Variants in UNC79 observed in about 807,000 individuals in gnomAD.
The protein encoded by UNC79 is protein unc-79 homolog.
Under a neutral mutation model 283.1 loss-of-function variants are expected in UNC79, and 37 were observed. The observed-to-expected ratio is 0.13, with a 90% CI of 0.10 to 0.17. UNC79 has a LOEUF of 0.17. Ranked by LOEUF, UNC79 falls within the 10% of genes least tolerant of loss-of-function variation. The pLI is 1.00. For missense variants in UNC79, 2,272 were observed against 3,211.1 expected (o/e 0.71, Z 7.07); for synonymous variants, 1,107 against 1,200.2 (o/e 0.92, Z 1.61).
intron 1 of UNC79, chr14:93,334,959 C>T (rs1595357235): frequency 1.3e-5 from 2 of 152,352 alleles, no homozygotes; most frequent in East Asian, 1.9e-4. Context: ...TCAGTCCCCA[C>T]TGTTTACACT....
intron 47 of UNC79, among the ~76,000 whole-genome samples, chr14:93,698,517 G>T (rs2075317354): frequency 1.1e-5 from 1 of 94,438 alleles, no homozygotes; most frequent in South Asian, 3.9e-4. Context: ...ATCAGGTCTT[G>T]CTCTGTCACC....
intron 31 of UNC79, among the ~76,000 whole-genome samples, chr14:93,632,313 T>A (rs951895762): frequency 6.6e-6 from 1 of 152,350 alleles, no homozygotes; most frequent in African/African-American, 2.4e-5. Flanking sequence ...ATTACAAAAA[T>A]CTGTTAGATC....
At chr14:93,577,387 A>G (rs1352211887) in intron 17 of UNC79, among the ~76,000 whole-genome samples, 1 of 152,236 alleles carries the variant, frequency 6.6e-6, no homozygotes, top group Non-Finnish European at 1.5e-5. Context: ...AAGGTTTGTC[A>G]TATATTGTTG....
intron 1 of UNC79, among the ~76,000 whole-genome samples, chr14:93,396,605 T>C (rs2055002684): frequency 6.6e-6 from 1 of 152,190 alleles, no homozygotes; most frequent in Admixed American, 6.6e-5. Flanking sequence ...CTGTTTGTTT[T>C]AGTGTGTTTG....
intron 1 of UNC79, among the ~76,000 whole-genome samples, chr14:93,361,148 G>A (rs1595387284): frequency 6.8e-6 from 1 of 147,884 alleles, no homozygotes; most frequent in African/African-American, 2.5e-5. Flanking sequence ...TGAGGTGGAG[G>A]TTGCAGTGAG....
chr14:93,514,417 C>T (rs1354156814), intron 7 of UNC79, among the ~76,000 whole-genome samples: 3 of 152,226 alleles, frequency 2.0e-5, no homozygotes, highest in Non-Finnish European at 4.4e-5. Context: ...GATGTGTTCA[C>T]TAAAGCTCTT....
chr14:93,680,188 G>A (rs1334139798), intron 41 of UNC79, among the ~76,000 whole-genome samples: 2 of 152,130 alleles, frequency 1.3e-5, no homozygotes, highest in South Asian at 4.1e-4. Flanking sequence ...AGATCTTGAC[G>A]CTGTGTGATT....
intron 30 of UNC79, among the ~76,000 whole-genome samples, chr14:93,624,952 C>T (rs1048788543): frequency 1.3e-5 from 2 of 152,196 alleles, no homozygotes; most frequent in East Asian, 1.9e-4. Context: ...ACTCTGTTTA[C>T]GTCAGTCCCT....
In UNC79 at chr14:93,621,829, G is replaced by C. The variant is rs773544412; in HGVS notation, c.4596G>C (p.Pro1532=). 2.5e-6 allele frequency: 4 copies of C among 1,612,582 alleles called. No homozygotes were observed. The highest frequency in any genetic ancestry group is 3.4e-6 in the Non-Finnish European group (4 of 1,179,710). Residue 1532 remains proline (P), a synonymous_variant, in exon 30 of 49, where the codon CCG becomes CCC. Coordinates refer to ENST00000555664, the Ensembl canonical transcript of UNC79. The surrounding 1 kb of genome is among the most constrained non-coding windows in gnomAD (Gnocchi z 4.8). Reference sequence around the variant, plus strand: ...ATCGGTGTGACATAGAGAAGCCTCCGACCCAAGCTGCGTATATCGCACAAA... The same window carrying C: ...ATCGGTGTGACATAGAGAAGCCTCCCACCCAAGCTGCGTATATCGCACAAA...
At chr14:93,458,540 C>G (rs1205490124) in intron 1 of UNC79, among the ~76,000 whole-genome samples, 1 of 151,968 alleles carries the variant, frequency 6.6e-6, no homozygotes, top group Non-Finnish European at 1.5e-5. Context: ...AATGAAGAAC[C>G]TATAAAATTT....
chr14:93,424,052 A>C (rs946725183), intron 1 of UNC79, among the ~76,000 whole-genome samples: 1 of 152,232 alleles, frequency 6.6e-6, no homozygotes, highest in African/African-American at 2.4e-5. Flanking sequence ...AAGTGGGCAA[A>C]AGATTTAAAT....
intron 1 of UNC79, among the ~76,000 whole-genome samples, chr14:93,421,992 A>G (rs1401908734): frequency 6.6e-6 from 1 of 151,818 alleles, no homozygotes; most frequent in Non-Finnish European, 1.5e-5. Flanking sequence ...AAAACTGGGT[A>G]TAGAAGTGTG....
At chr14:93,346,248 C>T (rs1411601094) in intron 1 of UNC79, among the ~76,000 whole-genome samples, 1 of 152,156 alleles carries the variant, frequency 6.6e-6, no homozygotes, top group Non-Finnish European at 1.5e-5. Context: ...TAGAGTGTTA[C>T]TCGTGCAATA....
intron 40 of UNC79, among the ~76,000 whole-genome samples, chr14:93,666,231 TAGAATAAAACA>T (rs1206227111): frequency 6.6e-6 from 1 of 151,934 alleles, no homozygotes; most frequent in Non-Finnish European, 1.5e-5. Context: ...GTTCCAAACA[TAGAATAAAACA>T]AGAATAAAAA....
intron 42 of UNC79, among the ~76,000 whole-genome samples, chr14:93,686,365 G>A (rs2074241108): frequency 6.6e-6 from 1 of 152,060 alleles, no homozygotes; most frequent in African/African-American, 2.4e-5. Flanking sequence ...GGCCTCTCCT[G>A]TTTCTTTGTT....
intron 1 of UNC79, among the ~76,000 whole-genome samples, chr14:93,444,225 T>A (rs1486376128): frequency 6.6e-6 from 1 of 152,188 alleles, no homozygotes; most frequent in East Asian, 1.9e-4. Context: ...TATGTGCCAA[T>A]TGACTATTTG....
At chr14:93,506,423 A>C (rs189535847) in intron 7 of UNC79, among the ~76,000 whole-genome samples, 2 of 152,020 alleles carry the variant, frequency 1.3e-5, no homozygotes, top group African/African-American at 2.4e-5. Context: ...GGATTTCACC[A>C]TCTTGGCCAG....
At chr14:93,427,728 A>C (rs964752800), upstream of UNC79, among the ~76,000 whole-genome samples, 1 of 151,906 alleles carries the variant, frequency 6.6e-6, no homozygotes, top group African/African-American at 2.4e-5. Flanking sequence ...ATACATAGGC[A>C]CTCAATAAGT....
chr14:93,529,290 C>T, exon 10 of UNC79: 1 of 1,613,326 alleles, frequency 6.2e-7, no homozygotes, highest in Non-Finnish European at 8.5e-7. Context: ...CAATAGGGAC[C>T]ACAGTGAGTG....
Sources: gnomAD v4.1 joint callset for allele counts (sites outside exome capture counted in the v4.1 genomes callset) on GRCh38, gnomAD v4.1.1 for gene constraint, Gnocchi (gnomAD v3.1) non-coding constraint, MANE v1.5 for transcripts, NCBI Gene and HGNC (gene_info 2026-07-23, HGNC 2026-07-21) for gene names.